GULP1: variants seen among roughly 807,000 people sequenced by gnomAD.
The protein encoded by GULP1 is GULP PTB domain containing engulfment adaptor 1.
GULP1 carries 19 observed loss-of-function variants against 40.9 expected under a neutral mutation model. The ratio of observed to expected loss-of-function variants is 0.46; its 90% CI spans 0.32 to 0.68. The LOEUF is 0.68. Ranked by LOEUF, GULP1 falls within the 30% of genes least tolerant of loss-of-function variation. The pLI is 0.03. For synonymous variants in GULP1, 119 were observed against 117.6 expected, an observed-to-expected ratio of 1.01 and a Z score of -0.08; for missense variants, 312 against 362.2, an observed-to-expected ratio of 0.86 and a Z score of 1.12.
At chr2:188,510,373 A>C (rs776388105) in intron 4 of GULP1, among the ~76,000 whole-genome samples, 1 of 152,126 alleles carries the variant, frequency 6.6e-6, no homozygotes, top group African/African-American at 2.4e-5. Context: ...AAATTAAATA[A>C]TTAGTAACCA....
chr2:188,591,540 A>C (rs1674773424), intron 11 of GULP1: 1 of 151,972 alleles, frequency 6.6e-6, no homozygotes, highest in South Asian at 2.1e-4. Flanking sequence ...AATCAACGTA[A>C]AATGCATTTT....
chr2:188,517,459 A>AT (rs1195716901), intron 4 of GULP1, among the ~76,000 whole-genome samples: 13 of 151,628 alleles, frequency 8.6e-5, no homozygotes, highest in Admixed American at 2.0e-4. Flanking sequence ...ATTAGCCATC[A>AT]TTTTTTTTAT....
intron 1 of GULP1, among the ~76,000 whole-genome samples, chr2:188,296,775 C>A (rs1326839439): frequency 6.6e-6 from 1 of 151,852 alleles, no homozygotes; most frequent in Non-Finnish European, 1.5e-5. Flanking sequence ...TCAATACCTG[C>A]CTTTATTTCA....
intron 1 of GULP1, among the ~76,000 whole-genome samples, chr2:188,293,527 G>A (rs896070766): frequency 3.3e-5 from 5 of 152,186 alleles, no homozygotes; most frequent in Non-Finnish European, 7.3e-5. Flanking sequence ...GTGAATGTGA[G>A]GAAGTGGAAA....
At chr2:188,470,690 A>G (rs2060516958) in intron 2 of GULP1, among the ~76,000 whole-genome samples, 1 of 151,994 alleles carries the variant, frequency 6.6e-6, no homozygotes, top group African/African-American at 2.4e-5. Context: ...TCTGGAGCAT[A>G]TTGTTTAATT....
chr2:188,421,076 A>G (rs745859896), intron 2 of GULP1, among the ~76,000 whole-genome samples: 16 of 152,196 alleles, frequency 1.1e-4, no homozygotes, highest in Admixed American at 9.2e-4. Context: ...GGCAAGAAAA[A>G]GAAATAAAGG....
intron 1 of GULP1, among the ~76,000 whole-genome samples, chr2:188,383,066 TC>T (rs2049211748): frequency 6.6e-6 from 1 of 152,126 alleles, no homozygotes; most frequent in African/African-American, 2.4e-5. Flanking sequence ...CTCAAAAAGA[TC>T]AGGTCTTTTT....
chr2:188,444,588 T>C (rs2058223441), intron 2 of GULP1, among the ~76,000 whole-genome samples: 1 of 152,198 alleles, frequency 6.6e-6, no homozygotes, highest in Non-Finnish European at 1.5e-5. Flanking sequence ...GAACTTTGGG[T>C]CACTCCTTTC....
intron 9 of GULP1, among the ~76,000 whole-genome samples, chr2:188,578,120 A>G (rs1700528567): frequency 6.6e-6 from 1 of 152,004 alleles, no homozygotes; most frequent in Non-Finnish European, 1.5e-5. Context: ...GTCTTTGGAT[A>G]TTTTTATTGC....
intron 1 of GULP1, among the ~76,000 whole-genome samples, chr2:188,326,502 G>A (rs2040786441): frequency 6.6e-6 from 1 of 152,008 alleles, no homozygotes; most frequent in Admixed American, 6.6e-5. Flanking sequence ...GCCTGGCACC[G>A]AGTAGCCCCC....
chr2:188,528,371 G>C lies in GULP1; in HGVS notation c.163-726G>C, dbSNP rs533105704. Among the ~76,000 whole-genome samples the C allele has an allele frequency of 2.6e-5, 4 of 152,076 alleles. No homozygotes were observed. In the East Asian group the frequency reaches 7.7e-4, roughly 29 times the overall value. ...CTAAATTAAGCAATGCTAGGAGAGA[G>C]GCAGAGACTCCATCTGCTAAGCACA... On this transcript the variant is annotated intron_variant, in intron 5 of 11. Coordinates refer to ENST00000409830, the MANE Select transcript of GULP1 (RefSeq NM_016315.4).
At chr2:188,412,145 T>C (rs907936456) in intron 2 of GULP1, among the ~76,000 whole-genome samples, 4 of 152,002 alleles carry the variant, frequency 2.6e-5, no homozygotes, top group African/African-American at 9.7e-5. Flanking sequence ...AGGAAACTTA[T>C]AGTCATGGTG....
At chr2:188,377,536 T>TCTTAAGC (rs1360666846) in intron 1 of GULP1, among the ~76,000 whole-genome samples, 2 of 152,210 alleles carry the variant, frequency 1.3e-5, no homozygotes, top group Non-Finnish European at 2.9e-5. Flanking sequence ...TGCCTGATTG[T>TCTTAAGC]CTTAAGCCAG....
chr2:188,526,896 C>T (rs1423404519), intron 5 of GULP1, among the ~76,000 whole-genome samples: 2 of 152,156 alleles, frequency 1.3e-5, no homozygotes, highest in Non-Finnish European at 2.9e-5. Context: ...CTGTTCTTAT[C>T]TTTGAAATAA....
chr2:188,388,491 C>T (rs1042208336), intron 2 of GULP1, among the ~76,000 whole-genome samples: 6 of 151,840 alleles, frequency 4.0e-5, no homozygotes, highest in African/African-American at 1.4e-4. Flanking sequence ...CACAGTGAGA[C>T]GTGATCACAC....
intron 1 of GULP1, among the ~76,000 whole-genome samples, chr2:188,295,229 A>G (rs2034653377): frequency 6.6e-6 from 1 of 152,206 alleles, no homozygotes; most frequent in Non-Finnish European, 1.5e-5. Flanking sequence ...TATATTTATG[A>G]CATACAAACA....
intron 7 of GULP1, among the ~76,000 whole-genome samples, chr2:188,563,636 T>C (rs1187385559): frequency 6.6e-6 from 1 of 151,640 alleles, no homozygotes; most frequent in African/African-American, 2.4e-5. Flanking sequence ...GCCCAAATAT[T>C]TGACAAAACT....
chr2:188,330,137 A>G lies in GULP1; in HGVS notation c.-172+37971A>G, dbSNP rs78242495. 6.5e-3 allele frequency among the ~76,000 whole-genome samples: 989 copies of G among 152,230 alleles called. 86 individuals carry two copies. In the East Asian group the frequency reaches 0.18, roughly 27 times the overall value. ...TGATTCTCAAATTATTTAGTTGGAT[A>G]TTTGTAAATATAGTTTTCACTGTAA... On this transcript the variant is annotated intron_variant, in intron 1 of 11. Coordinates refer to ENST00000409830, the MANE Select transcript of GULP1 (RefSeq NM_016315.4).
chr2:188,445,441 A>C (rs138922009), intron 2 of GULP1, among the ~76,000 whole-genome samples: 3 of 152,312 alleles, frequency 2.0e-5, no homozygotes, highest in Non-Finnish European at 4.4e-5. Flanking sequence ...TATTCCAAAA[A>C]TGAGCATATA....
Sources: allele counts gnomAD v4.1 joint callset (sites outside exome capture counted in the v4.1 genomes callset), GRCh38; gene constraint gnomAD v4.1.1; transcripts MANE v1.5; gene names NCBI Gene and HGNC (gene_info 2026-07-23, HGNC 2026-07-21).